The following DOCK9 variants were observed in gnomAD, a reference collection of about 807,000 sequenced individuals.
DOCK9 encodes the protein dedicator of cytokinesis 9.
DOCK9 carries 89 observed loss-of-function variants against 263.3 expected under a neutral mutation model. That is an observed-to-expected ratio of 0.34 (90% CI 0.28 to 0.40). The LOEUF (loss-of-function observed/expected upper bound fraction) is 0.40. Ranked by LOEUF, DOCK9 falls within the 10% of genes least tolerant of loss-of-function variation. The pLI is 1.00. For synonymous variants in DOCK9, 976 were observed against 973.1 expected, an observed-to-expected ratio of 1.00 and a Z score of -0.06; for missense variants, 2,140 against 2,603.4, an observed-to-expected ratio of 0.82 and a Z score of 3.87.
intron 1 of DOCK9, among the ~76,000 whole-genome samples, chr13:99,016,679 A>C (rs1885456021): frequency 6.6e-6 from 1 of 152,118 alleles, no homozygotes; most frequent in South Asian, 2.1e-4. Flanking sequence ...TACCAAGTTG[A>C]CTCTTGCCAT....
chr13:98,848,708 G>C (rs575944140), intron 36 of DOCK9, 69 bp from the exon 37 acceptor site: 3 of 1,419,760 alleles, frequency 2.1e-6, no homozygotes, highest in African/African-American at 2.8e-5. Flanking sequence ...TTATTTATCT[G>C]TTAACAATAA....
intron 2 of DOCK9, among the ~76,000 whole-genome samples, chr13:98,938,494 G>C (rs1444355227): frequency 1.3e-5 from 2 of 152,054 alleles, no homozygotes; most frequent in African/African-American, 4.8e-5. Flanking sequence ...TGCTTTGTAA[G>C]AAACTAAAAC....
intron 6 of DOCK9, 26 bp from the exon 7 acceptor site, chr13:98,921,114 A>G (rs1343586701): frequency 1.3e-6 from 2 of 1,578,002 alleles, no homozygotes; most frequent in Non-Finnish European, 1.7e-6. Context: ...ACACACAGCT[A>G]TTCTTTCAAA....
chr13:98,881,079 C>A (rs778282397), intron 25 of DOCK9, among the ~76,000 whole-genome samples: 62 of 152,342 alleles, frequency 4.1e-4, no homozygotes, highest in Admixed American at 8.5e-4. Context: ...TGCCACTCTA[C>A]TTACTGGATG....
intron 12 of DOCK9, 61 bp from the exon 13 acceptor site, chr13:98,901,961 T>C (rs910238825): frequency 2.0e-5 from 31 of 1,581,830 alleles, no homozygotes; most frequent in Non-Finnish European, 2.4e-5. Context: ...ACAAATCCCA[T>C]GAACATTAAA....
chr13:98,852,880 A>G (rs2093612198), intron 35 of DOCK9, among the ~76,000 whole-genome samples: 1 of 152,226 alleles, frequency 6.6e-6, no homozygotes, highest in Non-Finnish European at 1.5e-5. Flanking sequence ...AAACAGAAAC[A>G]TAATCTACTA....
intron 52 of DOCK9, among the ~76,000 whole-genome samples, chr13:98,795,932 A>G (rs1257180521): frequency 2.0e-5 from 3 of 151,566 alleles, no homozygotes; most frequent in Non-Finnish European, 4.4e-5. Context: ...TAATTTTTGT[A>G]TTTTTTAGTA....
At chr13:98,816,674 G>A (rs562906570) in intron 45 of DOCK9, among the ~76,000 whole-genome samples, 6 of 151,898 alleles carry the variant, frequency 4.0e-5, no homozygotes, top group African/African-American at 1.4e-4. Flanking sequence ...GGAAAGCTGA[G>A]GAGAGTGATG....
chr13:99,001,809 A>G (rs578053619), intron 1 of DOCK9, among the ~76,000 whole-genome samples: 24 of 152,352 alleles, frequency 1.6e-4, no homozygotes, highest in African/African-American at 5.3e-4. Context: ...GGCTCCCCCT[A>G]TGGTCTCGTA....
At chr13:98,970,869 C>T (rs972177344) in intron 1 of DOCK9, among the ~76,000 whole-genome samples, 3 of 151,898 alleles carry the variant, frequency 2.0e-5, no homozygotes, top group African/African-American at 7.3e-5. Flanking sequence ...GAATGCCCTG[C>T]TAACTCCAAA....
chr13:98,882,645 G>T (rs556574116), intron 23 of DOCK9, among the ~76,000 whole-genome samples: 1 of 152,034 alleles, frequency 6.6e-6, no homozygotes, highest in African/African-American at 2.4e-5. Context: ...TTCTTTATTT[G>T]ATTTGTCTGC....
Position 98,800,396 on chromosome 13 carries a change from G to A in DOCK9, c.5808C>T (p.Ala1936=), listed in dbSNP as rs770375172. 1 of 1,613,934 alleles carries A rather than the reference G, an allele frequency of 6.2e-7. No homozygotes were observed. The highest frequency in any genetic ancestry group is 8.5e-7 in the Non-Finnish European group (1 of 1,179,886). ...CCACCTTCTTACTCATCTCGTCAAT[G>A]GCCACCTCGATGGGGTTCAGGTCAG... The part of the protein sequence containing the change: ...HHTDLNPIEV[A]IDEMSKKVAE... Residue 1936 remains alanine, a synonymous_variant, in exon 50 of 53, where the codon GCC becomes GCT. Transcript: ENST00000682017.
chr13:99,028,060 C>A (rs778226604), intron 1 of DOCK9, among the ~76,000 whole-genome samples: 1 of 152,158 alleles, frequency 6.6e-6, no homozygotes, highest in Admixed American at 6.5e-5. Context: ...GTAGGAGTGG[C>A]CCCTCTCACT....
chr13:99,040,526 G>A (rs898386769), intron 1 of DOCK9, among the ~76,000 whole-genome samples: 11 of 152,166 alleles, frequency 7.2e-5, no homozygotes, highest in African/African-American at 1.9e-4. Context: ...CATGGTGATT[G>A]TATAAATAAA....
chr13:98,827,239 AAAC>A (rs1226829085), intron 43 of DOCK9, among the ~76,000 whole-genome samples: 10 of 152,248 alleles, frequency 6.6e-5, no homozygotes, highest in Non-Finnish European at 1.5e-4. Flanking sequence ...GCTTTGAAGA[AAAC>A]ATGTGCTCCT....
upstream of DOCK9, among the ~76,000 whole-genome samples, chr13:98,982,839 G>A (rs1280505459): frequency 3.3e-5 from 5 of 152,038 alleles, no homozygotes; most frequent in African/African-American, 1.2e-4. Flanking sequence ...CTTTCTCCCG[G>A]GTAAGAAAAT....
chr13:99,086,927 G>A (rs1246621567), upstream of DOCK9, among the ~76,000 whole-genome samples: 2 of 152,088 alleles, frequency 1.3e-5, no homozygotes, highest in Non-Finnish European at 2.9e-5. Flanking sequence ...GCCACCAAGA[G>A]GGCGCACAGC....
chr13:99,041,906 A>G (rs550952229), intron 1 of DOCK9, among the ~76,000 whole-genome samples: 4 of 152,326 alleles, frequency 2.6e-5, no homozygotes, highest in African/African-American at 7.2e-5. Context: ...TGGAGGAGGC[A>G]AAGAAAAATT....
intron 1 of DOCK9, among the ~76,000 whole-genome samples, chr13:99,048,462 A>T (rs1384393459): frequency 6.6e-6 from 1 of 152,238 alleles, no homozygotes; most frequent in Non-Finnish European, 1.5e-5. Flanking sequence ...TAACGTAACA[A>T]GCACATAACT....
Sources: allele counts gnomAD v4.1 joint callset (sites outside exome capture counted in the v4.1 genomes callset), GRCh38; gene constraint gnomAD v4.1.1; transcripts MANE v1.5; gene names NCBI Gene and HGNC (gene_info 2026-07-23, HGNC 2026-07-21).